The following ZBTB33 variants were observed in gnomAD, a reference collection of about 807,000 sequenced individuals.
ZBTB33 encodes transcriptional regulator Kaiso.
ZBTB33 carries 11 observed loss-of-function variants against 25.9 expected under a neutral mutation model. That is an observed-to-expected ratio of 0.42 (90% CI 0.27 to 0.70). ZBTB33 has a LOEUF of 0.70. Among genes scored for constraint, ZBTB33 ranks in the 30% least tolerant of loss-of-function variants. The pLI is 0.23. For missense variants in ZBTB33, 343 were observed against 501.1 expected (o/e 0.68, Z 3.01); for synonymous variants, 157 against 184.8 (o/e 0.85, Z 1.22).
chrX:120,251,607 T>C (rs1176895046), intron 1 of ZBTB33, among the ~76,000 whole-genome samples: 1 of 111,874 alleles, frequency 8.9e-6, no homozygotes, highest in Non-Finnish European at 1.9e-5. Context: ...GAGGTTCAGC[T>C]GCCGCAGGGA....
At position 120,254,575 on chromosome X, in the gene ZBTB33, A is replaced by G. The variant is rs782682597; in HGVS notation, c.1160A>G (p.Asn387Ser). ...ACACTTCTTCAAGAACCACTTTCCA[A>G]TTCCTTAAAAATTTCAGATATAATT... is the stretch of plus-strand genomic sequence containing the variant. ...IPTLLQEPLS[N>S]SLKISDIITR... is the part of the protein sequence containing the mutation. Residue 387 changes from asparagine (N) to serine (S), a missense_variant, in exon 3 of 3, where the codon AAT (asparagine) becomes AGT (serine). By Grantham distance (46) the Asn-to-Ser change is conservative. Transcript: ENST00000557385. 1 of 1,211,423 alleles carries G rather than the reference A, an allele frequency of 8.3e-7. No homozygotes were observed. The highest frequency in any genetic ancestry group is 1.1e-6 in the Non-Finnish European group (1 of 895,338).
rs1756998757 is a variant in ZBTB33 at position 120,257,397 on chromosome X, G to A, written c.*1963G>A. On this transcript the variant is annotated 3_prime_UTR_variant, in exon 3 of 3. Transcript: ENST00000557385. ...TGTGAATGATACGGATGCCGGCAGA[G>A]CTTCCAGATCTTTCAGACTCAACTG... The A allele has an allele frequency of 8.1e-6, 1 of 123,086 alleles. No individual in the cohort carries two copies. The highest frequency in any genetic ancestry group is 3.2e-5 in the African/African-American group (1 of 30,843). The allele number at this position is 123,086 out of a possible 1,213,427, so 10.1% of individuals were successfully genotyped here.
At chrX:120,251,409 A>C (rs1462861681) in intron 1 of ZBTB33, among the ~76,000 whole-genome samples, 2 of 105,190 alleles carry the variant, frequency 1.9e-5, no homozygotes, top group East Asian at 3.1e-4. Context: ...CCCCCCCCCA[A>C]CACCCCACCC....
At position 120,254,734 on chromosome X, in the gene ZBTB33, A is replaced by G; in HGVS notation, c.1319A>G (p.Asp440Gly). 8.3e-7 allele frequency: 1 copy of G among 1,211,534 alleles called. No individual in the cohort carries two copies. The highest frequency in any genetic ancestry group is 1.1e-6 in the Non-Finnish European group (1 of 895,266). ...GCKVYANIGEDTYDIVIPVKD... is the reference protein window; with the variant it reads ...GCKVYANIGEGTYDIVIPVKD... The stretch of plus-strand genomic sequence containing the variant: ...AAGGTTTATGCAAATATCGGTGAAG[A>G]TACTTATGATATAGTGATCCCTGTC... Residue 440 changes from aspartate to glycine, a missense_variant, in exon 3 of 3, where the codon GAT becomes GGT. Physicochemically the swap from Asp to Gly is moderately conservative, Grantham distance 94 (BLOSUM62 -1). Around this residue, in one of 2 missense-constraint regions of ZBTB33, gnomAD observed 304 missense variants for 410.0 expected, o/e 0.74. Transcript: ENST00000557385.
At position 120,256,243 on chromosome X, in the gene ZBTB33, T is replaced by C. The variant is rs1390733394; in HGVS notation, c.*809T>C. The stretch of plus-strand genomic sequence containing the variant: ...ACATAGTAGAGAATGGAATGAAGAT[T>C]TCCTTTTGGCTTCTTAAGGTTAAAA... On this transcript the variant is annotated 3_prime_UTR_variant, in exon 3 of 3. Transcript: ENST00000557385. 1 of 123,250 alleles carries C rather than the reference T, an allele frequency of 8.1e-6. No homozygotes were observed. The highest frequency in any genetic ancestry group is 3.2e-5 in the African/African-American group (1 of 30,824). The allele number at this position is 123,250 out of a possible 1,213,427, so 10.2% of individuals were successfully genotyped here. A position where few individuals can be genotyped will look rare whatever the true frequency, so the allele number is the denominator to read the frequency against.
Position 120,253,686 on chromosome X carries a change from G to A in ZBTB33, c.271G>A (p.Val91Ile), listed in dbSNP as rs1556014712. 8.3e-7 allele frequency: 1 copy of A among 1,211,774 alleles called. No homozygotes were observed. Among genetic ancestry groups the A allele is most frequent in the Admixed American group, 2.2e-5 (1 of 46,043 alleles). Residue 91 changes from valine (V) to isoleucine (I), a missense_variant, in exon 3 of 3, where the codon GTT (valine) becomes ATT (isoleucine). Val to Ile is a conservative substitution (Grantham distance 29, BLOSUM62 3). Transcript: ENST00000557385. ...ILNYIYSSKIVRVRSDLLDEL... is the reference protein window; with the variant it reads ...ILNYIYSSKIIRVRSDLLDEL... ...CAATTATATCTATAGTTCTAAAATT[G>A]TTCGTGTTAGATCAGATTTGCTTGA...
At position 120,255,493 on chromosome X, in the gene ZBTB33, T is replaced by C. The variant is rs2057632322; in HGVS notation, c.*59T>C. ...ATGATGGGGCAGGGGTTTCAGAAGA[T>C]CTGTAAAACAAATTAAGGTGCGAAC... On this transcript the variant is annotated 3_prime_UTR_variant, in exon 3 of 3. Transcript: ENST00000557385. The C allele has an allele frequency of 4.3e-6, 4 of 936,145 alleles. No homozygotes were observed. Among genetic ancestry groups the C allele is most frequent in the African/African-American group, 3.9e-5 (2 of 50,713 alleles). The allele number at this position is 936,145 out of a possible 1,213,427, so 77.1% of individuals were successfully genotyped here.
chrX:120,256,514 C>T lies in ZBTB33; in HGVS notation c.*1080C>T, dbSNP rs1190657599. 5 of 121,764 alleles carry T rather than the reference C, an allele frequency of 4.1e-5. No individual in the cohort carries two copies. The East Asian group carries it at 1.4e-3, about 34-fold the overall frequency. The allele number at this position is 121,764 out of a possible 1,213,427, so 10.0% of individuals were successfully genotyped here. A position where few individuals can be genotyped will look rare whatever the true frequency, so the allele number is the denominator to read the frequency against. On this transcript the variant is annotated 3_prime_UTR_variant, in exon 3 of 3. Coordinates refer to ENST00000557385, the MANE Select transcript of ZBTB33 (RefSeq NM_001184742.2). ...TCGGCAAGATTTGTTAGGTTTTTAC[C>T]CCTTCTAAAATAAGTTTTATTCCAT...
rs187139100 is a variant in ZBTB33 at position 120,254,625 on chromosome X, G to A, written c.1210G>A (p.Val404Ile). 4.9e-5 allele frequency: 59 copies of A among 1,209,747 alleles called. No homozygotes were observed. Among genetic ancestry groups the A allele is most frequent in the Non-Finnish European group, 6.0e-5 (54 of 894,800 alleles). ...TACTAGAAATACTAATGATCCAGGCGTAGGATCAAAACATCTAATGGAGGG... is the reference window on the plus strand; with the variant it reads ...TACTAGAAATACTAATGATCCAGGCATAGGATCAAAACATCTAATGGAGGG... ...IITRNTNDPG[V>I]GSKHLMEGQK... The change falls in exon 3 of 3, where the codon GTA (valine) becomes ATA (isoleucine). Residue 404 changes from valine to isoleucine, a missense_variant. Physicochemically the swap from Val to Ile is conservative, Grantham distance 29. Around this residue, in one of 2 missense-constraint regions of ZBTB33, gnomAD observed 304 missense variants for 410.0 expected, o/e 0.74. Transcript: ENST00000557385.
At chrX:120,252,450 C>A (rs2057606574) in intron 1 of ZBTB33, among the ~76,000 whole-genome samples, 1 of 111,419 alleles carries the variant, frequency 9.0e-6, no homozygotes, top group South Asian at 3.7e-4. Flanking sequence ...TAGTGCTACA[C>A]AACAATGCAT....
rs1157650044 is a variant in ZBTB33, at chrX:120,256,484, T to C, written c.*1050T>C. 8.2e-6 allele frequency: 1 copy of C among 122,512 alleles called. No homozygotes were observed. The highest frequency in any genetic ancestry group is 1.9e-5 in the Non-Finnish European group (1 of 52,939). The allele number at this position is 122,512 out of a possible 1,213,427, so 10.1% of individuals were successfully genotyped here. A position where few individuals can be genotyped will look rare whatever the true frequency, so the allele number is the denominator to read the frequency against. On this transcript the variant is annotated 3_prime_UTR_variant, in exon 3 of 3. Transcript: ENST00000557385. ...TAGTTGAATCAGTGATCTAGTATTT[T>C]CCTTTCGGCAAGATTTGTTAGGTTT...
In ZBTB33 at chrX:120,257,986, T is replaced by C. The variant is rs782799978; in HGVS notation, c.*2552T>C. ...AAAAGATATGACAAAATGAAAATGC[T>C]TAAACTACAGAAATTTAAAAATGCC... On this transcript the variant is annotated 3_prime_UTR_variant, in exon 3 of 3. Coordinates refer to ENST00000557385, the MANE Select transcript of ZBTB33 (RefSeq NM_001184742.2). 1 of 123,332 alleles carries C rather than the reference T, an allele frequency of 8.1e-6. No individual in the cohort carries two copies. Among genetic ancestry groups the C allele is most frequent in the Non-Finnish European group, 1.9e-5 (1 of 53,177 alleles). The allele number at this position is 123,332 out of a possible 1,213,427, so 10.2% of individuals were successfully genotyped here. A position where few individuals can be genotyped will look rare whatever the true frequency, so the allele number is the denominator to read the frequency against.
Position 120,253,941 on chromosome X carries a change from G to T in ZBTB33, c.526G>T (p.Glu176Ter). ...AACAGAGTCTTTTTCATTATCTGCC[G>T]AAGATTATGAAATGAAAAAGATCAT... The part of the protein sequence containing the change: ...IITESFSLSA[E>*]DYEMKKIIVT... The change falls in exon 3 of 3, where the codon GAA becomes TAA. Residue 176 changes from glutamate to a stop codon, truncating the protein, a stop_gained. Transcript: ENST00000557385. LOFTEE classifies it high-confidence loss of function. 1 of 1,205,599 alleles carries T rather than the reference G, an allele frequency of 8.3e-7. No individual in the cohort carries two copies. Among genetic ancestry groups the T allele is most frequent in the Non-Finnish European group, 1.1e-6 (1 of 893,280 alleles).
chrX:120,253,381 C>T (rs1556014637), intron 2 of ZBTB33, 33 bp from the exon 3 acceptor site: 6 of 1,138,529 alleles, frequency 5.3e-6, no homozygotes, highest in Non-Finnish European at 7.1e-6. Context: ...TCTCTCTAAT[C>T]CTCTCCCATC....
Position 120,253,397 on chromosome X carries a change from C to T in ZBTB33, c.-2-17C>T. 8.4e-7 allele frequency: 1 copy of T among 1,183,953 alleles called. No individual in the cohort carries two copies. The highest frequency in any genetic ancestry group is 1.1e-6 in the Non-Finnish European group (1 of 878,706). On this transcript the variant is annotated splice_polypyrimidine_tract_variant and intron_variant, in intron 2 of 2. Transcript: ENST00000557385. ...CTCTCTAATCCTCTCCCATCCCCTCCTCTCTTTCTCTTAAAGGCATGGAGA... is the reference window on the plus strand; with the variant it reads ...CTCTCTAATCCTCTCCCATCCCCTCTTCTCTTTCTCTTAAAGGCATGGAGA...
Position 120,257,522 on chromosome X carries a change from A to G in ZBTB33, c.*2088A>G, listed in dbSNP as rs1603398940. 2 of 123,380 alleles carry G rather than the reference A, an allele frequency of 1.6e-5. No individual in the cohort carries two copies. Among genetic ancestry groups the G allele is most frequent in the African/African-American group, 3.2e-5 (1 of 30,938 alleles). 10.2% of individuals were successfully genotyped at this position (123,380 alleles called of 1,213,427 possible). A position where few individuals can be genotyped will look rare whatever the true frequency, so the allele number is the denominator to read the frequency against. On this transcript the variant is annotated 3_prime_UTR_variant, in exon 3 of 3. Coordinates refer to ENST00000557385, the MANE Select transcript of ZBTB33 (RefSeq NM_001184742.2). Reference sequence around the variant, plus strand: ...TATAATGGAAAACTATCCATTCTGAATAATAGGTATGTAATTATTTGCTGC... The same window carrying G: ...TATAATGGAAAACTATCCATTCTGAGTAATAGGTATGTAATTATTTGCTGC...
chrX:120,253,382 C>G (rs372219385), intron 2 of ZBTB33, 32 bp from the exon 3 acceptor site: 16 of 1,140,408 alleles, frequency 1.4e-5, no homozygotes, highest in African/African-American at 1.8e-5. Flanking sequence ...CTCTCTAATC[C>G]TCTCCCATCC....
chrX:120,252,027 G>T (rs782420911), intron 1 of ZBTB33, among the ~76,000 whole-genome samples: 8 of 112,739 alleles, frequency 7.1e-5, no homozygotes, highest in African/African-American at 2.3e-4. Flanking sequence ...CCTTTCTGAT[G>T]ATGAATGCCT....
chrX:120,257,233 A>G lies in ZBTB33; in HGVS notation c.*1799A>G, dbSNP rs1179881753. 1 of 123,148 alleles carries G rather than the reference A, an allele frequency of 8.1e-6. No homozygotes were observed. The highest frequency in any genetic ancestry group is 3.2e-5 in the African/African-American group (1 of 30,878). The allele number at this position is 123,148 out of a possible 1,213,427, so 10.1% of individuals were successfully genotyped here. On this transcript the variant is annotated 3_prime_UTR_variant, in exon 3 of 3. Transcript: ENST00000557385. ...TTAAGACTCTGTGATCTCTGGAATC[A>G]CCATATGTTTCTTTTTTGTGTAGAT...
Sources: allele counts gnomAD v4.1 joint callset (sites outside exome capture counted in the v4.1 genomes callset), GRCh38; gene constraint gnomAD v4.1.1; regional missense constraint gnomAD v4.1.1; transcripts MANE v1.5; gene names NCBI Gene and HGNC (gene_info 2026-07-23, HGNC 2026-07-21).